The following NALF1 variants were observed in gnomAD, a reference collection of about 807,000 sequenced individuals.
NALF1 encodes family with sequence similarity 155 member A.
Under a neutral mutation model 48.4 loss-of-function variants are expected in NALF1, and 3 were observed. The observed-to-expected ratio is 0.06, with a 90% confidence interval of 0.03 to 0.16. The LOEUF (loss-of-function observed/expected upper bound fraction) is 0.16. Ranked by LOEUF, NALF1 falls within the 10% of genes least tolerant of loss-of-function variation. The pLI is 1.00. For missense variants in NALF1, 526 were observed against 571.5 expected, an observed-to-expected ratio of 0.92 and a Z score of 0.81; for synonymous variants, 262 against 245.7, an observed-to-expected ratio of 1.07 and a Z score of -0.62.
intron 1 of NALF1, among the ~76,000 whole-genome samples, chr13:107,376,221 T>C (rs929679277): frequency 6.6e-6 from 1 of 152,196 alleles, no homozygotes; most frequent in Non-Finnish European, 1.5e-5. Context: ...TTCAAGTGAC[T>C]GCAGTCCAAC....
intron 1 of NALF1, among the ~76,000 whole-genome samples, chr13:107,537,942 G>T (rs1876882895): frequency 6.6e-6 from 1 of 152,028 alleles, no homozygotes; most frequent in Non-Finnish European, 1.5e-5. Flanking sequence ...TGCTTTAACT[G>T]GCAGGTGGAG....
chr13:107,373,619 C>A (rs1461301413), intron 1 of NALF1, among the ~76,000 whole-genome samples: 3 of 152,184 alleles, frequency 2.0e-5, no homozygotes, highest in Non-Finnish European at 4.4e-5. Context: ...TCCAGGGCTA[C>A]TCCATCTGAT....
chr13:107,745,417 T>C (rs2138547710), intron 1 of NALF1, among the ~76,000 whole-genome samples: 1 of 152,334 alleles, frequency 6.6e-6, no homozygotes, highest in Non-Finnish European at 1.5e-5. Flanking sequence ...ATTAAATGAT[T>C]ACAAATGTCT....
intron 1 of NALF1, among the ~76,000 whole-genome samples, chr13:107,857,094 C>G (rs1230165944): frequency 6.6e-6 from 1 of 152,230 alleles, no homozygotes; most frequent in Non-Finnish European, 1.5e-5. Context: ...TCTTCTCTAT[C>G]TCAGGGTAAT....
intron 2 of NALF1, among the ~76,000 whole-genome samples, chr13:107,204,412 G>A (rs77273070): frequency 0.044 from 6,561 of 150,604 alleles, 200 homozygotes; most frequent in South Asian, 0.087. Context: ...ACTTGTGGAG[G>A]TGAGGCAATG....
At chr13:107,758,706 C>T (rs908389393) in intron 1 of NALF1, among the ~76,000 whole-genome samples, 5 of 151,642 alleles carry the variant, frequency 3.3e-5, no homozygotes, top group East Asian at 3.9e-4. Flanking sequence ...GGTGACAGAG[C>T]GAGACTCCAT....
At chr13:107,341,789 T>C (rs932459508) in intron 1 of NALF1, among the ~76,000 whole-genome samples, 2 of 151,730 alleles carry the variant, frequency 1.3e-5, no homozygotes, top group Non-Finnish European at 2.9e-5. Flanking sequence ...TACATATTTA[T>C]AGGCATTTTT....
At chr13:107,291,397 C>T (rs370797132) in intron 1 of NALF1, among the ~76,000 whole-genome samples, 1 of 151,660 alleles carries the variant, frequency 6.6e-6, no homozygotes, top group Admixed American at 6.6e-5. Context: ...AACACCACAC[C>T]AGACCTCACG....
chr13:107,685,004 T>C (rs1173949974), intron 1 of NALF1, among the ~76,000 whole-genome samples: 1 of 152,178 alleles, frequency 6.6e-6, no homozygotes, highest in Non-Finnish European at 1.5e-5. Context: ...GGTGACCGTC[T>C]CATCTTCCTT....
At chr13:107,547,682 C>A (rs1412529735) in intron 1 of NALF1, among the ~76,000 whole-genome samples, 1 of 152,172 alleles carries the variant, frequency 6.6e-6, no homozygotes, top group African/African-American at 2.4e-5. Context: ...ACACACTGTC[C>A]TTGCATCTAT....
At chr13:107,311,435 T>A (rs893103891) in intron 1 of NALF1, among the ~76,000 whole-genome samples, 1 of 152,112 alleles carries the variant, frequency 6.6e-6, no homozygotes, top group African/African-American at 2.4e-5. Context: ...ACCTTCTAAT[T>A]AATAAAGCAT....
intron 1 of NALF1, among the ~76,000 whole-genome samples, chr13:107,721,109 TACACACACACACACAC>T (rs66578211): frequency 4.2e-5 from 6 of 143,842 alleles, no homozygotes; most frequent in Non-Finnish European, 9.1e-5. Flanking sequence ...CAGATCTCAA[TACACACACACACACAC>T]ACACACACAC....
intron 1 of NALF1, among the ~76,000 whole-genome samples, chr13:107,350,063 A>G (rs983540161): frequency 5.3e-5 from 8 of 152,120 alleles, no homozygotes; most frequent in South Asian, 4.1e-4. Context: ...TGAAAATCCA[A>G]TGTAGCCACT....
At chr13:107,225,772 GCATCA>G (rs1051378830) in intron 1 of NALF1, among the ~76,000 whole-genome samples, 6 of 152,040 alleles carry the variant, frequency 3.9e-5, no homozygotes, top group Non-Finnish European at 5.9e-5. Flanking sequence ...AACCAAAGGA[GCATCA>G]CATCCCCTGA....
intron 2 of NALF1, among the ~76,000 whole-genome samples, chr13:107,184,260 T>A (rs1036835939): frequency 6.6e-6 from 1 of 152,184 alleles, no homozygotes; most frequent in African/African-American, 2.4e-5. Context: ...GCTGGTAGGA[T>A]ATTTTATTTA....
At chr13:107,471,181 T>A (rs1885094707) in intron 1 of NALF1, among the ~76,000 whole-genome samples, 1 of 152,214 alleles carries the variant, frequency 6.6e-6, no homozygotes, top group African/African-American at 2.4e-5. Flanking sequence ...CGCATAACGC[T>A]ATTTATTGCC....
At chr13:107,834,494 A>T (rs1202765515) in intron 1 of NALF1, among the ~76,000 whole-genome samples, 2 of 152,362 alleles carry the variant, frequency 1.3e-5, no homozygotes, top group Middle Eastern at 6.8e-3. Context: ...GAGAGTAGTC[A>T]TCAGAGTACT....
At chr13:107,324,426 C>T (rs1882312238) in intron 1 of NALF1, among the ~76,000 whole-genome samples, 1 of 152,156 alleles carries the variant, frequency 6.6e-6, no homozygotes, top group Non-Finnish European at 1.5e-5. Flanking sequence ...AGATACTTGA[C>T]CTTGTACTTA....
Position 107,473,799 on chromosome 13 carries a change from A to C in NALF1, c.916-263044T>G, listed in dbSNP as rs534027960. Among the ~76,000 whole-genome samples the C allele has an allele frequency of 1.5e-4, 23 of 152,236 alleles. No individual in the cohort carries two copies. The South Asian group carries it at 2.9e-3, about 19-fold the overall frequency. Reference sequence around the variant, plus strand: ...AAATTCTACCCAAATAGTTCTTCTTATTCTCCCACATTCAAGGGGAAACAA... The same window carrying C: ...AAATTCTACCCAAATAGTTCTTCTTCTTCTCCCACATTCAAGGGGAAACAA... On this transcript the variant is annotated intron_variant, in intron 1 of 2. Coordinates refer to ENST00000375915, the MANE Select transcript of NALF1 (RefSeq NM_001080396.3).
Sources: gnomAD v4.1 joint callset for allele counts (sites outside exome capture counted in the v4.1 genomes callset) on GRCh38, gnomAD v4.1.1 for gene constraint, MANE v1.5 for transcripts, NCBI Gene and HGNC (gene_info 2026-07-23, HGNC 2026-07-21) for gene names.